The following MDGA2 variants were observed in gnomAD, a reference collection of about 807,000 sequenced individuals.
MDGA2 encodes the protein MAM domain-containing glycosylphosphatidylinositol anchor protein 2.
A neutral mutation model predicts 117.8 loss-of-function variants in MDGA2; 40 were observed. That is an observed-to-expected ratio of 0.34 (90% CI 0.26 to 0.44). MDGA2 has a LOEUF of 0.44. Ranked by LOEUF, MDGA2 falls within the 20% of genes least tolerant of loss-of-function variation. The pLI is 1.00. For missense variants in MDGA2, 1,123 were observed against 1,250.6 expected, an observed-to-expected ratio of 0.90 and a Z score of 1.54; for synonymous variants, 452 against 439.0, an observed-to-expected ratio of 1.03 and a Z score of -0.37.
At chr14:47,349,389 C>A (rs541580488) in intron 1 of MDGA2, among the ~76,000 whole-genome samples, 1 of 152,058 alleles carries the variant, frequency 6.6e-6, no homozygotes, top group Non-Finnish European at 1.5e-5. Flanking sequence ...CAAATGATAA[C>A]CATCATTATT....
At chr14:47,644,533 A>T in intron 1 of MDGA2, among the ~76,000 whole-genome samples, 1 of 152,166 alleles carries the variant, frequency 6.6e-6, no homozygotes, top group East Asian at 1.9e-4. Flanking sequence ...GCAGAAGAGA[A>T]GTTACCAGAC....
At chr14:46,964,430 C>T (rs1885934700) in intron 8 of MDGA2, among the ~76,000 whole-genome samples, 1 of 152,048 alleles carries the variant, frequency 6.6e-6, no homozygotes, top group Admixed American at 6.6e-5. Context: ...GTCAAAAGGA[C>T]AAGGAGGCAA....
chr14:47,158,003 CTA>C (rs1197817615), intron 3 of MDGA2, among the ~76,000 whole-genome samples: 1 of 94,790 alleles, frequency 1.1e-5, no homozygotes, highest in African/African-American at 3.7e-5. Context: ...AATACAGTAT[CTA>C]TACACACACA....
At chr14:47,476,176 A>G (rs1349779333) in intron 1 of MDGA2, among the ~76,000 whole-genome samples, 1 of 152,200 alleles carries the variant, frequency 6.6e-6, no homozygotes, top group Non-Finnish European at 1.5e-5. Flanking sequence ...AAGTATAACA[A>G]TATGCACATA....
chr14:47,115,996 CCT>C (rs1384967854), intron 5 of MDGA2, among the ~76,000 whole-genome samples: 1 of 151,832 alleles, frequency 6.6e-6, no homozygotes, highest in African/African-American at 2.4e-5. Flanking sequence ...TGAAACTGTC[CCT>C]GTTTGCAGAA....
intron 8 of MDGA2, among the ~76,000 whole-genome samples, chr14:46,959,845 TA>T (rs1885721789): frequency 6.6e-6 from 1 of 152,168 alleles, no homozygotes; most frequent in Non-Finnish European, 1.5e-5. Flanking sequence ...AAGAACACAA[TA>T]ATCTAAGGAT....
chr14:47,216,580 C>T (rs1272113198), intron 3 of MDGA2, among the ~76,000 whole-genome samples: 2 of 152,106 alleles, frequency 1.3e-5, no homozygotes, highest in East Asian at 3.9e-4. Context: ...ACAAAACATA[C>T]CCACTGATTT....
chr14:47,397,121 C>T (rs529422889), intron 1 of MDGA2, among the ~76,000 whole-genome samples: 2 of 152,220 alleles, frequency 1.3e-5, no homozygotes, highest in East Asian at 1.9e-4. Context: ...GAAAATGTGG[C>T]ACATATTCAC....
At chr14:47,598,641 T>C (rs1896590162) in intron 1 of MDGA2, among the ~76,000 whole-genome samples, 1 of 151,912 alleles carries the variant, frequency 6.6e-6, no homozygotes, top group Admixed American at 6.6e-5. Flanking sequence ...AGACAGAAAG[T>C]AGAATAGAGA....
chr14:46,914,471 A>G (rs1295735956), intron 10 of MDGA2, among the ~76,000 whole-genome samples: 1 of 152,052 alleles, frequency 6.6e-6, no homozygotes, highest in Non-Finnish European at 1.5e-5. Context: ...ATAATGCATT[A>G]TTTTACAAGA....
chr14:47,388,695 T>C (rs1246738511), intron 1 of MDGA2, among the ~76,000 whole-genome samples: 1 of 152,134 alleles, frequency 6.6e-6, no homozygotes, highest in Non-Finnish European at 1.5e-5. Context: ...TATATTCTTC[T>C]ATCATGCTTA....
At chr14:46,999,494 G>A (rs1178337781) in intron 8 of MDGA2, among the ~76,000 whole-genome samples, 1 of 151,786 alleles carries the variant, frequency 6.6e-6, no homozygotes, top group African/African-American at 2.4e-5. Context: ...TATATTTTTT[G>A]CACTGTAATT....
chr14:46,996,175 T>G (rs1367964094), intron 8 of MDGA2, among the ~76,000 whole-genome samples: 1 of 152,190 alleles, frequency 6.6e-6, no homozygotes, highest in African/African-American at 2.4e-5. Flanking sequence ...GTTTTGCCAT[T>G]GCTTTCAAAG....
intron 1 of MDGA2, among the ~76,000 whole-genome samples, chr14:47,630,082 T>TAAAAA (rs540464338): frequency 2.1e-5 from 3 of 140,826 alleles, no homozygotes; most frequent in Non-Finnish European, 4.7e-5. Context: ...CTTCTGATAC[T>TAAAAA]AAAAAAAAAA....
At chr14:47,128,372 C>T (rs959733117) in intron 5 of MDGA2, among the ~76,000 whole-genome samples, 9 of 152,034 alleles carry the variant, frequency 5.9e-5, no homozygotes, top group Non-Finnish European at 1.3e-4. Flanking sequence ...ATAATATATA[C>T]TAGTGTTTTT....
intron 5 of MDGA2, among the ~76,000 whole-genome samples, chr14:47,114,935 C>T (rs1212221290): frequency 7.0e-6 from 1 of 143,218 alleles, no homozygotes; most frequent in African/African-American, 2.7e-5. Context: ...CCCGAGTAAT[C>T]CAAAGAGCTT....
chr14:46,851,334 G>A (rs1215730960), intron 15 of MDGA2, among the ~76,000 whole-genome samples: 1 of 151,798 alleles, frequency 6.6e-6, no homozygotes, highest in Non-Finnish European at 1.5e-5. Flanking sequence ...GGTATATGAT[G>A]TAAAATTCAT....
chr14:47,466,211 A>G (rs1893600815), intron 1 of MDGA2, among the ~76,000 whole-genome samples: 1 of 151,926 alleles, frequency 6.6e-6, no homozygotes, highest in African/African-American at 2.4e-5. Flanking sequence ...AAATATAACT[A>G]TGGGGTACTG....
In MDGA2 at chr14:47,544,209, A is replaced by C. The variant is rs76561845; in HGVS notation, c.280+130308T>G. ...TGTTATTAAAAGTCAAATTGTGTTC[A>C]TGCCTAACCAGTCATGAGACTACGT... On this transcript the variant is annotated intron_variant, in intron 1 of 16. Transcript: ENST00000399232. Among the ~76,000 whole-genome samples, 88 of 152,316 alleles carry C rather than the reference A, an allele frequency of 5.8e-4. 1 individual carries two copies. The East Asian group carries it at 0.015, about 27-fold the overall frequency.
Sources: gnomAD v4.1 joint callset for allele counts (sites outside exome capture counted in the v4.1 genomes callset) on GRCh38, gnomAD v4.1.1 for gene constraint, MANE v1.5 for transcripts, NCBI Gene and HGNC (gene_info 2026-07-23, HGNC 2026-07-21) for gene names.